The following AKR1C4 variants were observed in gnomAD, a reference collection of about 807,000 sequenced individuals.
AKR1C4 encodes aldo-keto reductase family 1 member C4, also known as 3-alpha-HSD1.
In AKR1C4, 44 loss-of-function variants were observed where a neutral mutation model predicts 41.0. The observed-to-expected ratio is 1.07, with a 90% confidence interval of 0.84 to 1.38. The LOEUF is 1.38. Among genes scored for constraint, AKR1C4 ranks in the 40% most tolerant of loss-of-function variants. AKR1C4 has a pLI of 0.00. For synonymous variants in AKR1C4, 165 were observed against 137.7 expected (o/e 1.20, Z -1.39); for missense variants, 438 against 387.9 (o/e 1.13, Z -1.09).
chr10:5,202,928 A>AT (rs1288951652), intron 2 of AKR1C4, among the ~76,000 whole-genome samples: 8 of 119,294 alleles, frequency 6.7e-5, no homozygotes, highest in African/African-American at 2.6e-4. Context: ...AGATTGGTCT[A>AT]TAGTTTTCTT....
chr10:5,197,076 G>A (rs1832322232), intron 1 of AKR1C4, 125 bp downstream of exon 1: 2 of 871,046 alleles, frequency 2.3e-6, no homozygotes, highest in Admixed American at 1.8e-5. Context: ...TGTCTTACTG[G>A]GCTAGAGCTA....
rs1832695455 is a variant in AKR1C4, at chr10:5,218,841, G to A, written c.*81G>A. 1.0e-5 allele frequency: 14 copies of A among 1,400,572 alleles called. No homozygotes were observed. Among genetic ancestry groups the A allele is most frequent in the Admixed American group, 1.7e-5 (1 of 57,932 alleles). 86.8% of individuals were successfully genotyped at this position (1,400,572 alleles called of 1,614,324 possible). A position where few individuals can be genotyped will look rare whatever the true frequency, so the allele number is the denominator to read the frequency against. On this transcript the variant is annotated 3_prime_UTR_variant, in exon 9 of 9. Coordinates refer to ENST00000263126, the MANE Select transcript of AKR1C4 (RefSeq NM_001818.5). ...AGAGGATGTCTCTATGCTGGTGACTGGACACACAGCCTCTGGTTAAATCCC... is the reference window on the plus strand; with the variant it reads ...AGAGGATGTCTCTATGCTGGTGACTAGACACACAGCCTCTGGTTAAATCCC...
rs1285366615 is a variant in AKR1C4, at chr10:5,197,141, A to G, written c.84+190A>G. On this transcript the variant is annotated intron_variant, in intron 1 of 8. Transcript: ENST00000263126. ...TGTTTGTTTTGCACTGAGGTCTGTC[A>G]TATGGTAATTTACTGCTTATTTTTA... Among the ~76,000 whole-genome samples, 5 of 152,230 alleles carry G rather than the reference A, an allele frequency of 3.3e-5. No homozygotes were observed. The South Asian group carries it at 6.2e-4, about 19-fold the overall frequency.
At chr10:5,204,885 T>C (rs188138971) in intron 3 of AKR1C4, among the ~76,000 whole-genome samples, 2 of 152,306 alleles carry the variant, frequency 1.3e-5, no homozygotes, top group Non-Finnish European at 2.9e-5. Context: ...CATTTTAAGC[T>C]GAAGTAGATT....
chr10:5,217,848 T>C (rs186089695), intron 8 of AKR1C4, among the ~76,000 whole-genome samples: 3 of 152,372 alleles, frequency 2.0e-5, no homozygotes, highest in Non-Finnish European at 4.4e-5. Context: ...CTTTTCTATA[T>C]GCTCCAAGGT....
intron 7 of AKR1C4, among the ~76,000 whole-genome samples, chr10:5,215,136 T>C (rs1832636552): frequency 6.6e-6 from 1 of 152,214 alleles, no homozygotes; most frequent in Admixed American, 6.5e-5. Flanking sequence ...GTTAAACTGG[T>C]GTGTACATGA....
intron 8 of AKR1C4, 44 bp downstream of exon 8, chr10:5,216,837 G>A: frequency 2.1e-6 from 3 of 1,432,446 alleles, no homozygotes; most frequent in Non-Finnish European, 1.9e-6. Context: ...ATTTTTAGAG[G>A]AGGAATGTCA....
intron 3 of AKR1C4, among the ~76,000 whole-genome samples, chr10:5,205,427 G>A (rs533571878): frequency 6.6e-6 from 1 of 152,108 alleles, no homozygotes; most frequent in Non-Finnish European, 1.5e-5. Flanking sequence ...ATCCCTTATT[G>A]CTGGATATCA....
At chr10:5,204,676 A>G (rs782745629) in intron 3 of AKR1C4, 183 bp downstream of exon 3, 7 of 746,646 alleles carry the variant, frequency 9.4e-6, no homozygotes, top group Non-Finnish European at 1.7e-5. Context: ...TGATGACAAG[A>G]GAAGACAGTA....
intron 3 of AKR1C4, 34 bp downstream of exon 3, chr10:5,204,527 T>C (rs781971376): frequency 6.9e-7 from 1 of 1,452,578 alleles, no homozygotes; most frequent in African/African-American, 1.4e-5. Flanking sequence ...TCTCTTCTGT[T>C]CTCAGCATGA....
chr10:5,218,178 G>C (rs189006288), intron 8 of AKR1C4, among the ~76,000 whole-genome samples: 3 of 151,964 alleles, frequency 2.0e-5, no homozygotes, highest in Admixed American at 6.6e-5. Flanking sequence ...CATATTGTAG[G>C]GTTTTGAATA....
chr10:5,197,513 G>A (rs1554796437), intron 1 of AKR1C4, among the ~76,000 whole-genome samples: 1 of 152,088 alleles, frequency 6.6e-6, no homozygotes, highest in Non-Finnish European at 1.5e-5. Context: ...TATCTGAAAG[G>A]AAAAATAACT....
intron 2 of AKR1C4, among the ~76,000 whole-genome samples, chr10:5,201,770 C>G (rs1832403369): frequency 6.6e-6 from 1 of 152,130 alleles, no homozygotes; most frequent in Non-Finnish European, 1.5e-5. Flanking sequence ...TTTGATCCAT[C>G]TTGTGTTGGT....
At chr10:5,212,830 G>C (rs1554798088) in intron 6 of AKR1C4, 105 bp downstream of exon 6, 2 of 1,417,496 alleles carry the variant, frequency 1.4e-6, no homozygotes, top group African/African-American at 1.4e-5. Flanking sequence ...GTCAGGGTAA[G>C]GGGATAATTT....
At chr10:5,218,593 A>T in intron 8 of AKR1C4, 125 bp from the exon 9 acceptor site, 1 of 701,720 alleles carries the variant, frequency 1.4e-6, no homozygotes, top group Non-Finnish European at 2.4e-6. Context: ...GACATTCTAC[A>T]AATAGTCCGA....
chr10:5,212,713 G>T lies in AKR1C4; in HGVS notation c.668G>T (p.Arg223Leu). The T allele has an allele frequency of 6.2e-7, 1 of 1,611,590 alleles. No homozygotes were observed. The highest frequency in any genetic ancestry group is 1.1e-5 in the South Asian group (1 of 90,498). ...GCCCACAGTGCTCTGGGAACCCAAC[G>T]ACATAAACTATGGTAATAAGAGCAT... ...LVAHSALGTQ[R>L]HKLWVDPNSP... The change falls in exon 6 of 9, where the codon CGA becomes CTA. Residue 223 changes from arginine (R) to leucine (L), a missense_variant. Transcript: ENST00000263126.
chr10:5,197,059 C>A, intron 1 of AKR1C4, 108 bp downstream of exon 1: 1 of 1,075,262 alleles, frequency 9.3e-7, no homozygotes, highest in Non-Finnish European at 1.4e-6. Flanking sequence ...GAGTGACTCA[C>A]GTGGTCTGTC....
In AKR1C4 at chr10:5,204,642, G is replaced by T. The variant is rs782343679; in HGVS notation, c.369+149G>T. 7 of 772,048 alleles carry T rather than the reference G, an allele frequency of 9.1e-6. No homozygotes were observed. The South Asian group carries it at 9.5e-5, about 10-fold the overall frequency. The allele number at this position is 772,048 out of a possible 1,614,324, so 47.8% of individuals were successfully genotyped here. A position where few individuals can be genotyped will look rare whatever the true frequency, so the allele number is the denominator to read the frequency against. On this transcript the variant is annotated intron_variant, in intron 3 of 8. Transcript: ENST00000263126. ...AATGCCTAAGCCATTTTCTTGAAGA[G>T]TACAACCTTCCTTCTGTAACGTATG...
chr10:5,197,815 G>A (rs2132121371), intron 1 of AKR1C4, among the ~76,000 whole-genome samples: 1 of 152,316 alleles, frequency 6.6e-6, no homozygotes, highest in East Asian at 1.9e-4. Context: ...GACAGGAGTG[G>A]TTCACTTTGT....
Sources: allele counts gnomAD v4.1 joint callset (sites outside exome capture counted in the v4.1 genomes callset), GRCh38; gene constraint gnomAD v4.1.1; transcripts MANE v1.5; gene names NCBI Gene and HGNC (gene_info 2026-07-23, HGNC 2026-07-21).